TEX14: variants seen among roughly 807,000 people sequenced by gnomAD.
TEX14 encodes testis expressed 14, intercellular bridge forming factor.
Under a neutral mutation model 178.6 loss-of-function variants are expected in TEX14, and 168 were observed. The observed-to-expected ratio is 0.94, with a 90% confidence interval of 0.83 to 1.07. The LOEUF (loss-of-function observed/expected upper bound fraction) is 1.07. Among genes scored for constraint, TEX14 ranks in the 50% least tolerant of loss-of-function variants. The pLI, the probability that TEX14 is intolerant of heterozygous loss-of-function variation, is 0.00. For synonymous variants in TEX14, 626 were observed against 634.1 expected, an observed-to-expected ratio of 0.99 and a Z score of 0.19; for missense variants, 1,730 against 1,753.6, an observed-to-expected ratio of 0.99 and a Z score of 0.24.
At chr17:58,675,037 TTG>T (rs2047372333) in intron 1 of TEX14, among the ~76,000 whole-genome samples, 1 of 151,680 alleles carries the variant, frequency 6.6e-6, no homozygotes, top group Admixed American at 6.6e-5. Flanking sequence ...CCCCAGCTTC[TTG>T]GGAGGCTGAG....
In TEX14 at chr17:58,587,667, C is replaced by T. The variant is rs1210821584; in HGVS notation, c.2703-1G>A. The T allele has an allele frequency of 6.3e-7, 1 of 1,598,096 alleles. No individual in the cohort carries two copies. Among genetic ancestry groups the T allele is most frequent in the Non-Finnish European group, 8.5e-7 (1 of 1,172,862 alleles). Reference sequence around the variant, plus strand: ...AGAAGAAACAGGTTCCACACTCATCCTGAATTGCACGGGTTTTTTGGAGGT... The same window carrying T: ...AGAAGAAACAGGTTCCACACTCATCTTGAATTGCACGGGTTTTTTGGAGGT... On this transcript the variant is annotated splice_acceptor_variant, in intron 16 of 31. Coordinates refer to ENST00000349033, the MANE Select transcript of TEX14 (RefSeq NM_031272.5). LOFTEE classifies it high-confidence loss of function.
At chr17:58,643,462 G>T (rs1033021948) in intron 2 of TEX14, among the ~76,000 whole-genome samples, 1 of 151,830 alleles carries the variant, frequency 6.6e-6, no homozygotes, top group Non-Finnish European at 1.5e-5. Flanking sequence ...TTTCAACCAC[G>T]TTGCTCAAAA....
intron 1 of TEX14, among the ~76,000 whole-genome samples, chr17:58,681,659 G>T (rs2047503158): frequency 6.6e-6 from 1 of 152,016 alleles, no homozygotes; most frequent in South Asian, 2.1e-4. Flanking sequence ...AGACCAGCCT[G>T]GCAAACATGG....
chr17:58,621,209 T>C (rs1356351545), intron 5 of TEX14, among the ~76,000 whole-genome samples: 1 of 152,124 alleles, frequency 6.6e-6, no homozygotes, highest in Non-Finnish European at 1.5e-5. Flanking sequence ...TGGCAGCAAG[T>C]CTCTCGTATC....
At chr17:58,578,609 T>G (rs1411838569) in intron 20 of TEX14, among the ~76,000 whole-genome samples, 1 of 152,224 alleles carries the variant, frequency 6.6e-6, no homozygotes, top group Non-Finnish European at 1.5e-5. Flanking sequence ...AAACTAGCTC[T>G]GGTTATCTGA....
chr17:58,625,109 T>C (rs2046104043), intron 3 of TEX14, among the ~76,000 whole-genome samples: 2 of 150,942 alleles, frequency 1.3e-5, no homozygotes, highest in Admixed American at 6.6e-5. Context: ...TGTCTTACCA[T>C]CTTCTTTTTT....
At chr17:58,666,879 C>G (rs983281353) in intron 1 of TEX14, among the ~76,000 whole-genome samples, 1 of 152,100 alleles carries the variant, frequency 6.6e-6, no homozygotes, top group Non-Finnish European at 1.5e-5. Flanking sequence ...AACGCGTTTC[C>G]AAAATGCAGT....
In TEX14 at chr17:58,564,881, T is replaced by C. The variant is rs150385172; in HGVS notation, c.4052A>G (p.Glu1351Gly). 5.3e-5 allele frequency: 84 copies of C among 1,594,708 alleles called. No homozygotes were observed. In the African/African-American group the frequency reaches 9.3e-4, roughly 18 times the overall value. ...LLSKETEDLG[E>G]DTERAHSTLD... The stretch of plus-strand genomic sequence containing the variant: ...CTTTTCCTGTTACCTCTCTGTGTCC[T>C]CTCCAAGATCTTCAGTTTCTTTGGA... The change falls in exon 28 of 32, where the codon GAG becomes GGG. Residue 1351 changes from glutamate (E) to glycine (G), a missense_variant. Coordinates refer to ENST00000349033, the MANE Select transcript of TEX14 (RefSeq NM_031272.5).
chr17:58,660,744 C>T (rs2047091833), intron 1 of TEX14: 1 of 781,308 alleles, frequency 1.3e-6, no homozygotes, highest in East Asian at 2.4e-5. Flanking sequence ...TTGGCTATTC[C>T]CTGATCTGGT....
At chr17:58,623,120 T>A in intron 3 of TEX14, 108 bp from the exon 4 acceptor site, 1 of 955,948 alleles carries the variant, frequency 1.0e-6, no homozygotes, top group Non-Finnish European at 1.5e-6. Context: ...GCAACGTTGG[T>A]GACGAGGAAT....
chr17:58,570,345 T>C, intron 25 of TEX14, 40 bp downstream of exon 25: 1 of 1,349,326 alleles, frequency 7.4e-7, no homozygotes, highest in Non-Finnish European at 9.9e-7. Flanking sequence ...TTAAGCCTCC[T>C]TGATTATAAA....
At chr17:58,666,826 A>G (rs1011452093) in intron 1 of TEX14, 11 of 152,198 alleles carry the variant, frequency 7.2e-5, no homozygotes, top group African/African-American at 2.7e-4. Flanking sequence ...TTTTTATACT[A>G]TATCTTGGTG....
chr17:58,631,669 A>G (rs900662026), intron 2 of TEX14: 3 of 151,760 alleles, frequency 2.0e-5, no homozygotes, highest in Non-Finnish European at 4.4e-5. Context: ...TCTAGAGAAG[A>G]ACGGTCACCA....
Position 58,592,570 on chromosome 17 carries a change from G to A in TEX14, c.2576+985C>T, listed in dbSNP as rs553798239. On this transcript the variant is annotated intron_variant, in intron 15 of 31. Coordinates refer to ENST00000349033, the MANE Select transcript of TEX14 (RefSeq NM_031272.5). ...AGGATGGTCTCGATCTCCTGACCTC[G>A]TGATCTGCCTGCCTTGGCCTCCCAA... Among the ~76,000 whole-genome samples, 9 of 148,658 alleles carry A rather than the reference G, an allele frequency of 6.1e-5. No homozygotes were observed. In the East Asian group the frequency reaches 1.8e-3, roughly 30 times the overall value.
At chr17:58,666,511 A>G (rs2047211593) in intron 1 of TEX14, 1 of 151,652 alleles carries the variant, frequency 6.6e-6, no homozygotes, top group Non-Finnish European at 1.5e-5. Flanking sequence ...CACAACTAAC[A>G]AAACTTGCAT....
At chr17:58,648,433 G>A (rs2046762992) in intron 2 of TEX14, among the ~76,000 whole-genome samples, 1 of 152,160 alleles carries the variant, frequency 6.6e-6, no homozygotes, top group Non-Finnish European at 1.5e-5. Context: ...GTGCAAGTGT[G>A]ACTAATTACT....
Position 58,571,940 on chromosome 17 carries a change from G to A in TEX14, c.3698C>T (p.Pro1233Leu), listed in dbSNP as rs372080024. 3.2e-5 allele frequency: 51 copies of A among 1,614,036 alleles called. No homozygotes were observed. In the African/African-American group the frequency reaches 3.9e-4, roughly 12 times the overall value. ...ACTTACAAGACCAGTCAGTCTTGAA[G>A]GGGGAGTTTCAGAGGAAGTAAGGAG... ...DSLLTSSETP[P>L]SRLTGLKRLS... Residue 1233 changes from proline to leucine, a missense_variant, in exon 24 of 32, where the codon CCT (proline) becomes CTT (leucine). Physicochemically the swap from Pro to Leu is moderately conservative, Grantham distance 98. This residue lies in a region of TEX14 where 941 missense variants were observed against 1,072.4 expected (regional missense o/e 0.88). Coordinates refer to ENST00000349033, the MANE Select transcript of TEX14 (RefSeq NM_031272.5).
At chr17:58,608,892 G>A (rs1417953671) in intron 10 of TEX14, among the ~76,000 whole-genome samples, 7 of 152,202 alleles carry the variant, frequency 4.6e-5, no homozygotes, top group Non-Finnish European at 1.0e-4. Flanking sequence ...GCAGTTAGGA[G>A]ATTGACACTA....
intron 2 of TEX14, among the ~76,000 whole-genome samples, chr17:58,633,047 G>C (rs2046358156): frequency 6.6e-6 from 1 of 152,112 alleles, no homozygotes; most frequent in African/African-American, 2.4e-5. Context: ...CCTCTCTCGA[G>C]TCCATCTCTC....
Sources: gnomAD v4.1 joint callset for allele counts (sites outside exome capture counted in the v4.1 genomes callset) on GRCh38, gnomAD v4.1.1 for gene constraint, gnomAD v4.1.1 regional missense constraint, MANE v1.5 for transcripts, NCBI Gene and HGNC (gene_info 2026-07-23, HGNC 2026-07-21) for gene names.